Variants in KANK4 observed in about 807,000 individuals in gnomAD.
KANK4 encodes KN motif and ankyrin repeat domain-containing protein 4.
KANK4 carries 50 observed loss-of-function variants against 80.8 expected under a neutral mutation model. The observed-to-expected ratio is 0.62, with a 90% CI of 0.49 to 0.78. The LOEUF (loss-of-function observed/expected upper bound fraction) is 0.78, where lower values mean the gene tolerates loss of function less well. Ranked by LOEUF, KANK4 falls within the 30% of genes least tolerant of loss-of-function variation. KANK4 has a pLI of 0.00. For missense variants in KANK4, 1,196 were observed against 1,240.1 expected (o/e 0.96, Z 0.53); for synonymous variants, 465 against 506.9 (o/e 0.92, Z 1.11).
chr1:62,263,365 C>A, intron 6 of KANK4, 54 bp from the exon 7 acceptor site: 1 of 1,427,590 alleles, frequency 7.0e-7, no homozygotes, highest in South Asian at 1.2e-5. Context: ...GCAAGAGTTC[C>A]TCCCTTACAC....
intron 1 of KANK4, among the ~76,000 whole-genome samples, chr1:62,286,170 A>G: frequency 6.6e-6 from 1 of 152,246 alleles, no homozygotes; most frequent in Non-Finnish European, 1.5e-5. Flanking sequence ...AAGAGAAAAC[A>G]GTCGGGAGGA....
chr1:62,255,503 G>C (rs576024117), intron 7 of KANK4, among the ~76,000 whole-genome samples: 1 of 151,604 alleles, frequency 6.6e-6, no homozygotes, highest in South Asian at 2.1e-4. Context: ...AAACCTCCTG[G>C]GTTCAAGCAA....
At chr1:62,304,014 C>T in intron 1 of KANK4, among the ~76,000 whole-genome samples, 1 of 151,994 alleles carries the variant, frequency 6.6e-6, no homozygotes, top group East Asian at 1.9e-4. Context: ...GCTGGGACTA[C>T]AGGCACACAC....
chr1:62,307,147 T>TCCCATTTGCCCCA (rs1644458611), intron 1 of KANK4, among the ~76,000 whole-genome samples: 1 of 149,872 alleles, frequency 6.7e-6, no homozygotes, highest in Non-Finnish European at 1.5e-5. Flanking sequence ...GCAGGAAGCA[T>TCCCATTTGCCCCA]CCCATTTGCC....
chr1:62,318,103 T>C (rs1644557296), intron 1 of KANK4, among the ~76,000 whole-genome samples: 1 of 152,172 alleles, frequency 6.6e-6, no homozygotes, highest in Non-Finnish European at 1.5e-5. Flanking sequence ...TCCTTGGGAA[T>C]CGTGTTTAAC....
intron 2 of KANK4, among the ~76,000 whole-genome samples, chr1:62,276,031 C>G (rs1353143563): frequency 6.6e-6 from 1 of 151,804 alleles, no homozygotes; most frequent in East Asian, 1.9e-4. Flanking sequence ...ACATTGGTAT[C>G]CATCCTCCAA....
At chr1:62,295,469 T>C (rs927037113) in intron 1 of KANK4, among the ~76,000 whole-genome samples, 5 of 152,220 alleles carry the variant, frequency 3.3e-5, no homozygotes, top group African/African-American at 1.2e-4. Flanking sequence ...TGCTCACATC[T>C]TTTCTTCCAG....
At chr1:62,251,631 G>T (rs1002453162) in intron 8 of KANK4, among the ~76,000 whole-genome samples, 1 of 152,152 alleles carries the variant, frequency 6.6e-6, no homozygotes, top group African/African-American at 2.4e-5. Context: ...CCAACCCTCT[G>T]TGCTGCCTTT....
chr1:62,308,618 G>A (rs1157975928), intron 1 of KANK4, among the ~76,000 whole-genome samples: 1 of 152,134 alleles, frequency 6.6e-6, no homozygotes, highest in Non-Finnish European at 1.5e-5. Flanking sequence ...CAAAGGAGCA[G>A]TTTCCAGCAC....
chr1:62,262,713 C>A (rs1236907123), intron 7 of KANK4, among the ~76,000 whole-genome samples: 1 of 152,146 alleles, frequency 6.6e-6, no homozygotes, highest in East Asian at 1.9e-4. Flanking sequence ...TCTTTTGCAG[C>A]AACTTGGATG....
intron 1 of KANK4, among the ~76,000 whole-genome samples, chr1:62,316,773 A>C (rs1644544670): frequency 6.6e-6 from 1 of 152,224 alleles, no homozygotes; most frequent in African/African-American, 2.4e-5. Flanking sequence ...CCATCCAACA[A>C]GCATTTTTTG....
intron 9 of KANK4, among the ~76,000 whole-genome samples, chr1:62,242,230 C>T (rs1388205401): frequency 3.9e-5 from 6 of 151,962 alleles, no homozygotes; most frequent in Admixed American, 3.9e-4. Context: ...GGTGCACTGG[C>T]TCATGCTTGT....
chr1:62,251,565 C>A (rs929184289), intron 8 of KANK4, among the ~76,000 whole-genome samples: 2 of 152,052 alleles, frequency 1.3e-5, no homozygotes, highest in Non-Finnish European at 2.9e-5. Flanking sequence ...GGGTAAGGAC[C>A]ACACCCCCAC....
rs980841194 is a variant in KANK4 at position 62,269,670 on chromosome 1, T to C, written c.2013-1165A>G. On this transcript the variant is annotated intron_variant, in intron 4 of 9. Coordinates refer to ENST00000371153, the MANE Select transcript of KANK4 (RefSeq NM_181712.5). ...ACCTACTATATGCCAGGCGCAGTTC[T>C]AAATCCTATACCAAAGTCCCTGCCC... Among the ~76,000 whole-genome samples, 6 of 152,332 alleles carry C rather than the reference T, an allele frequency of 3.9e-5. No homozygotes were observed. In the South Asian group the frequency reaches 6.2e-4, roughly 16 times the overall value.
In KANK4 at chr1:62,252,692, C is replaced by T. The variant is rs145193962; in HGVS notation, c.2682+375G>A. Among the ~76,000 whole-genome samples, 4 of 152,338 alleles carry T rather than the reference C, an allele frequency of 2.6e-5. 1 individual carries two copies. Among genetic ancestry groups the T allele is most frequent in the African/African-American group, 9.6e-5 (4 of 41,574 alleles). ...GACCTCCAAAGAGCCTAGTTAGGTG[C>T]CTGTGGGCCAAGATCAAGGTGGGTC... On this transcript the variant is annotated intron_variant, in intron 8 of 9. Transcript: ENST00000371153.
At chr1:62,263,458 G>T in intron 6 of KANK4, 147 bp from the exon 7 acceptor site, 1 of 696,578 alleles carries the variant, frequency 1.4e-6, no homozygotes, top group South Asian at 1.7e-5. Context: ...CAGAGCTGGT[G>T]GGGTTAGGAA....
rs1553130867 is a variant in KANK4 at position 62,278,397 on chromosome 1, C to CTTTCTTTCTTTCTTTT, written c.16+3151_16+3152insAAAAGAAAGAAAGAAA. ...CCTTCCTTTCTTTCTTTCTTTCTTT[C>CTTTCTTTCTTTCTTTT]TTTTTTTTTTTTGAGATGGAATTTC... On this transcript the variant is annotated intron_variant, in intron 2 of 9. Coordinates refer to ENST00000371153, the MANE Select transcript of KANK4 (RefSeq NM_181712.5). Among the ~76,000 whole-genome samples, 10 of 29,238 alleles carry CTTTCTTTCTTTCTTTT rather than the reference C, an allele frequency of 3.4e-4. 1 individual carries two copies. Among genetic ancestry groups the CTTTCTTTCTTTCTTTT allele is most frequent in the African/African-American group, 1.1e-3 (8 of 7,418 alleles). The allele number at this position is 29,238 out of a possible 152,430, so 19.2% of individuals were successfully genotyped here.
At position 62,237,920 on chromosome 1, in the gene KANK4, T is replaced by TCTAATGTG. The variant is rs1237301088; in HGVS notation, c.*349_*356dup. On this transcript the variant is annotated 3_prime_UTR_variant, in exon 10 of 10. Transcript: ENST00000371153. ...AATTCCATGTAAAAAGTATTGCTTT[T>TCTAATGTG]CTAATGTGCTAATGTGCTCCTGCCT... 2 of 184,160 alleles carry TCTAATGTG rather than the reference T, an allele frequency of 1.1e-5. No homozygotes were observed. The highest frequency in any genetic ancestry group is 2.1e-3 in the Middle Eastern group (1 of 486). 11.4% of individuals were successfully genotyped at this position (184,160 alleles called of 1,614,324 possible).
rs760105651 is a variant in KANK4 at position 62,274,927 on chromosome 1, T to G, written c.177A>C (p.Arg59Ser). The change falls in exon 3 of 10, where the codon AGA (arginine) becomes AGC (serine). Residue 59 changes from arginine (R) to serine (S), a missense_variant. Transcript: ENST00000371153. ...GNTIKRIPIH[R>S]RAKQAKFSTL... ...TGCTAAATTTGGCCTGCTTGGCCCT[T>G]CTGTGGATAGGAATTCTTTTGATAG... The G allele has an allele frequency of 8.1e-6, 13 of 1,614,174 alleles. No individual in the cohort carries two copies. In the South Asian group the frequency reaches 1.2e-4, roughly 15 times the overall value.
Sources: allele counts gnomAD v4.1 joint callset (sites outside exome capture counted in the v4.1 genomes callset), GRCh38; gene constraint gnomAD v4.1.1; transcripts MANE v1.5; gene names NCBI Gene and HGNC (gene_info 2026-07-23, HGNC 2026-07-21).